Variants in PDCD6 observed in about 807,000 individuals in gnomAD.
PDCD6 encodes programmed cell death protein 6.
Under a neutral mutation model 28.3 loss-of-function variants are expected in PDCD6, and 12 were observed. That is an observed-to-expected ratio of 0.42 (90% CI 0.27 to 0.69). The LOEUF (loss-of-function observed/expected upper bound fraction) is 0.69, where lower values mean the gene tolerates loss of function less well. Among genes scored for constraint, PDCD6 ranks in the 30% least tolerant of loss-of-function variants. The pLI is 0.22. For missense variants in PDCD6, 226 were observed against 269.9 expected (o/e 0.84, Z 1.14); for synonymous variants, 92 against 108.0 (o/e 0.85, Z 0.92).
intron 2 of PDCD6, among the ~76,000 whole-genome samples, chr5:301,759 T>C (rs1740068768): frequency 6.6e-6 from 1 of 151,044 alleles, no homozygotes; most frequent in African/African-American, 2.4e-5. Context: ...GCATAACTGC[T>C]GGAGGGTGGG....
intron 2 of PDCD6, 125 bp downstream of exon 2, chr5:272,897 A>T: frequency 7.1e-7 from 1 of 1,417,038 alleles, no homozygotes. Context: ...AATTGTTATT[A>T]CTGCTTCGTA....
intron 2 of PDCD6, chr5:275,977 G>A: frequency 7.8e-7 from 1 of 1,285,382 alleles, no homozygotes; most frequent in South Asian, 1.2e-5. Context: ...CCTTTGCTTT[G>A]GGCTCTAAGC....
chr5:311,245 C>A (rs376713344), intron 4 of PDCD6, 48 bp from the exon 5 acceptor site: 12 of 1,417,984 alleles, frequency 8.5e-6, no homozygotes, highest in South Asian at 1.2e-5. Flanking sequence ...TTGGCACATA[C>A]CTCCCGTCTC....
chr5:277,076 T>G (rs1738242749), intron 2 of PDCD6: 1 of 297,182 alleles, frequency 3.4e-6, no homozygotes, highest in Non-Finnish European at 5.0e-6. Flanking sequence ...TAAGGGGCAT[T>G]TTTAAAGCTG....
rs1221852493 is a variant in PDCD6 at position 307,783 on chromosome 5, A to C, written c.367+1023A>C. ...TCCCTGGAGTCTCACTTATCTAAGC[A>C]CGTCGCCTCTCCTCGTGTTTCCTCC... is the stretch of plus-strand genomic sequence containing the variant. On this transcript the variant is annotated intron_variant, in intron 4 of 5. Coordinates refer to ENST00000264933, the MANE Select transcript of PDCD6 (RefSeq NM_013232.4). The surrounding 1 kb of genome is among the most constrained non-coding windows in gnomAD (Gnocchi z 6.1). 6.6e-6 allele frequency among the ~76,000 whole-genome samples: 1 copy of C among 151,940 alleles called. No individual in the cohort carries two copies. The highest frequency in any genetic ancestry group is 1.5e-5 in the Non-Finnish European group (1 of 67,984).
Position 290,012 on chromosome 5 carries a change from A to G in PDCD6, c.164-14165A>G, listed in dbSNP as rs1739220775. ...CTCCTTGGATCTGTTAACAATTCAC[A>G]TAGTCGCTGAATAGTAAAAGGGATA... On this transcript the variant is annotated intron_variant, in intron 2 of 5. Transcript: ENST00000264933. 4 of 1,599,956 alleles carry G rather than the reference A, an allele frequency of 2.5e-6. No individual in the cohort carries two copies. The South Asian group carries it at 3.3e-5, about 13-fold the overall frequency.
At chr5:310,893 C>T (rs1740870318) in intron 4 of PDCD6, 2 of 192,100 alleles carry the variant, frequency 1.0e-5, no homozygotes, top group South Asian at 9.5e-5. Context: ...CTTATCTAGG[C>T]TAATAAACAT....
chr5:284,416 T>G (rs1187467958), intron 2 of PDCD6, among the ~76,000 whole-genome samples: 1 of 152,162 alleles, frequency 6.6e-6, no homozygotes, highest in Non-Finnish European at 1.5e-5. Flanking sequence ...TGTTCCAATT[T>G]GAGGGTCATG....
intron 4 of PDCD6, chr5:310,143 G>T: frequency 6.0e-6 from 1 of 166,820 alleles, no homozygotes; most frequent in South Asian, 1.3e-4. Context: ...GTGAGGAGGT[G>T]GGAGTAGTAG....
chr5:312,859 C>G (rs1270357106), intron 5 of PDCD6, among the ~76,000 whole-genome samples: 2 of 108,888 alleles, frequency 1.8e-5, no homozygotes, highest in Non-Finnish European at 3.3e-5. Flanking sequence ...AAATCTCGTT[C>G]TGTGTCTGAA....
At chr5:271,884 G>T in intron 1 of PDCD6, 63 bp downstream of exon 1, 1 of 873,162 alleles carries the variant, frequency 1.1e-6, no homozygotes, top group Non-Finnish European at 1.6e-6. Flanking sequence ...CCCCTGTCCC[G>T]ACTCCCCCGA....
chr5:290,193 T>G, intron 2 of PDCD6: 1 of 1,577,500 alleles, frequency 6.3e-7, no homozygotes, highest in Non-Finnish European at 8.7e-7. Flanking sequence ...AGCCTTTAAA[T>G]TGGGACCACT....
rs1188975661 is a variant in PDCD6, at chr5:307,660, C to A, written c.367+900C>A. ...CACCGAGATTCTAATCCATGCGGAT[C>A]TCATCTGGCCCCTGTTGTGAAGCCG... On this transcript the variant is annotated intron_variant, in intron 4 of 5. Transcript: ENST00000264933. This position sits in a 1 kb window ranked among gnomAD's most constrained non-coding sequence, Gnocchi z 6.1. Among the ~76,000 whole-genome samples, 1 of 152,190 alleles carries A rather than the reference C, an allele frequency of 6.6e-6. No individual in the cohort carries two copies. Among genetic ancestry groups the A allele is most frequent in the African/African-American group, 2.4e-5 (1 of 41,434 alleles).
intron 2 of PDCD6, among the ~76,000 whole-genome samples, chr5:288,258 A>T (rs1488774611): frequency 6.7e-6 from 1 of 148,668 alleles, no homozygotes; most frequent in Non-Finnish European, 1.5e-5. Context: ...AAACAGAAAA[A>T]TATAACATTT....
intron 2 of PDCD6, among the ~76,000 whole-genome samples, chr5:280,623 A>AG (rs1674587790): frequency 7.0e-6 from 1 of 143,002 alleles, no homozygotes; most frequent in Admixed American, 7.0e-5. Flanking sequence ...GCCAGGGCAG[A>AG]GGGCAGGGCT....
chr5:291,170 G>A (rs1436810635), intron 2 of PDCD6, among the ~76,000 whole-genome samples: 1 of 152,008 alleles, frequency 6.6e-6, no homozygotes, highest in South Asian at 2.1e-4. Context: ...TTCATAGTAC[G>A]TTTCTTTCAC....
rs1042019765 is a variant in PDCD6, at chr5:307,947, A to G, written c.367+1187A>G. Among the ~76,000 whole-genome samples the G allele has an allele frequency of 6.6e-6, 1 of 152,064 alleles. No individual in the cohort carries two copies. The highest frequency in any genetic ancestry group is 1.5e-5 in the Non-Finnish European group (1 of 68,016). ...AGCTGCGAGCCAGGATTTGGGCTGG[A>G]TGGCTCTGAATTGGTACTTGGAATG... is the stretch of plus-strand genomic sequence containing the variant. On this transcript the variant is annotated intron_variant, in intron 4 of 5. Transcript: ENST00000264933. This position sits in a 1 kb window ranked among gnomAD's most constrained non-coding sequence, Gnocchi z 6.1.
intron 2 of PDCD6, among the ~76,000 whole-genome samples, chr5:301,184 G>GACAGAGGAGGTAT (rs1348866488): frequency 2.6e-5 from 4 of 152,204 alleles, no homozygotes; most frequent in Admixed American, 6.5e-5. Context: ...GGACGCAGAA[G>GACAGAGGAGGTAT]ACAGAGGAGA....
intron 4 of PDCD6, chr5:308,145 T>C (rs1230364916): frequency 1.3e-5 from 2 of 152,270 alleles, no homozygotes; most frequent in African/African-American, 4.8e-5. Context: ...CCACGTGGAC[T>C]TCAGGACCGG....
Sources: allele counts gnomAD v4.1 joint callset (sites outside exome capture counted in the v4.1 genomes callset), GRCh38; gene constraint gnomAD v4.1.1; non-coding constraint Gnocchi (gnomAD v3.1); transcripts MANE v1.5; gene names NCBI Gene and HGNC (gene_info 2026-07-23, HGNC 2026-07-21).